The following CDC123 variants were observed in gnomAD, a reference collection of about 807,000 sequenced individuals.
CDC123 encodes the protein translation initiation factor eIF2 assembly protein.
Under a neutral mutation model 54.4 loss-of-function variants are expected in CDC123, and 37 were observed. The ratio of observed to expected loss-of-function variants is 0.68; its 90% CI spans 0.52 to 0.89. The LOEUF (loss-of-function observed/expected upper bound fraction) is 0.89. Ranked by LOEUF, CDC123 falls within the 40% of genes least tolerant of loss-of-function variation. The probability of loss-of-function intolerance (pLI) is 0.00; values close to 1 mark genes in which losing one functional copy is unlikely to be tolerated. For missense variants in CDC123, 361 were observed against 412.1 expected (o/e 0.88, Z 1.07); for synonymous variants, 144 against 136.8 (o/e 1.05, Z -0.37).
intron 2 of CDC123, among the ~76,000 whole-genome samples, chr10:12,201,317 G>A (rs949268726): frequency 6.6e-6 from 1 of 152,180 alleles, no homozygotes; most frequent in African/African-American, 2.4e-5. Flanking sequence ...ACACACAAGA[G>A]AATATATAAT....
chr10:12,212,735 G>C (rs1195227901), intron 4 of CDC123, among the ~76,000 whole-genome samples: 1 of 152,142 alleles, frequency 6.6e-6, no homozygotes, highest in African/African-American at 2.4e-5. Context: ...GCACAACCCA[G>C]CTCATTCAGC....
At chr10:12,200,143 T>TTTA (rs1350723293) in intron 2 of CDC123, among the ~76,000 whole-genome samples, 1 of 136,786 alleles carries the variant, frequency 7.3e-6, no homozygotes, top group Non-Finnish European at 1.6e-5. Flanking sequence ...TTTTTTTTTT[T>TTTA]AAAGATGGAG....
Position 12,230,232 on chromosome 10 carries a change from A to G in CDC123, c.441-716A>G, listed in dbSNP as rs145527878. 7.1e-3 allele frequency among the ~76,000 whole-genome samples: 1,077 copies of G among 150,874 alleles called. 42 individuals are homozygous for G. Among genetic ancestry groups the G allele is most frequent in the Admixed American group, 0.06 (908 of 15,120 alleles). The stretch of plus-strand genomic sequence containing the variant: ...TTTTGAGATGGAGTCTCGCTCTGTC[A>G]CCCAGGCTGGAGTTCAGTGGCACTG... On this transcript the variant is annotated intron_variant, in intron 6 of 12. Coordinates refer to ENST00000281141, the MANE Select transcript of CDC123 (RefSeq NM_006023.3).
At chr10:12,229,153 T>A (rs1272304207) in intron 6 of CDC123, among the ~76,000 whole-genome samples, 1 of 152,258 alleles carries the variant, frequency 6.6e-6, no homozygotes, top group African/African-American at 2.4e-5. Context: ...CAGGCTTCTC[T>A]GCCTCCCAGG....
At chr10:12,224,802 G>GT (rs1351867284) in intron 6 of CDC123, among the ~76,000 whole-genome samples, 3 of 152,034 alleles carry the variant, frequency 2.0e-5, no homozygotes, top group Non-Finnish European at 4.4e-5. Flanking sequence ...TTTTGTTTTT[G>GT]TTTTTTCTTG....
chr10:12,209,838 A>G (rs1200603829), intron 2 of CDC123, 129 bp from the exon 3 acceptor site: 2 of 806,482 alleles, frequency 2.5e-6, no homozygotes, highest in Non-Finnish European at 4.2e-6. Flanking sequence ...TGCTAGGATT[A>G]CAGGTGTGAG....
At chr10:12,214,198 A>G (rs372250211) in intron 4 of CDC123, among the ~76,000 whole-genome samples, 2 of 152,248 alleles carry the variant, frequency 1.3e-5, no homozygotes, top group African/African-American at 2.4e-5. Flanking sequence ...TTTATGGGAT[A>G]GGAAAATTAA....
intron 6 of CDC123, among the ~76,000 whole-genome samples, chr10:12,228,295 C>G (rs886976586): frequency 1.3e-5 from 2 of 151,918 alleles, no homozygotes; most frequent in Non-Finnish European, 2.9e-5. Context: ...AATTTTTAAT[C>G]GAAAGCTAGT....
At chr10:12,221,507 C>G (rs1181859524) in intron 6 of CDC123, among the ~76,000 whole-genome samples, 1 of 152,148 alleles carries the variant, frequency 6.6e-6, no homozygotes. Context: ...GACTTCCTCT[C>G]AGCCCTCATT....
intron 2 of CDC123, among the ~76,000 whole-genome samples, chr10:12,205,711 T>G (rs182022525): frequency 5.8e-4 from 88 of 152,326 alleles, no homozygotes; most frequent in Non-Finnish European, 1.0e-3. Context: ...ATAGAAAATA[T>G]AGCATCCTAA....
Position 12,250,344 on chromosome 10 carries a change from T to G in CDC123, c.*7T>G, listed in dbSNP as rs908110314. 1 of 1,602,906 alleles carries G rather than the reference T, an allele frequency of 6.2e-7. No individual in the cohort carries two copies. Among genetic ancestry groups the G allele is most frequent in the Admixed American group, 1.7e-5 (1 of 59,648 alleles). On this transcript the variant is annotated 3_prime_UTR_variant, in exon 13 of 13. Coordinates refer to ENST00000281141, the MANE Select transcript of CDC123 (RefSeq NM_006023.3). ...TCAGCAGGAGGACGACTGATGAGCG[T>G]ACTGGAACTGGAGAAGAGGAGGCCC...
chr10:12,207,973 G>T (rs1264500759), intron 2 of CDC123, among the ~76,000 whole-genome samples: 1 of 152,122 alleles, frequency 6.6e-6, no homozygotes, highest in Admixed American at 6.6e-5. Flanking sequence ...CATGTTCCAG[G>T]ATAACTCTTA....
At chr10:12,196,375 A>G in intron 1 of CDC123, 56 bp downstream of exon 1, 2 of 1,611,482 alleles carry the variant, frequency 1.2e-6, no homozygotes, top group Non-Finnish European at 1.7e-6. Context: ...GCGACTTCTG[A>G]GCGAATCTTA....
rs200359531 is a variant in CDC123 at position 12,211,491 on chromosome 10, C to T, written c.237+1169C>T. 3.9e-4 allele frequency among the ~76,000 whole-genome samples: 60 copies of T among 152,236 alleles called. No individual in the cohort carries two copies. The East Asian group carries it at 0.011, about 27-fold the overall frequency. On this transcript the variant is annotated intron_variant, in intron 4 of 12. Transcript: ENST00000281141. ...AGCAGGTGCCTAAGTGGAAAGTTTG[C>T]GTGTTTCATTTACTCCAGATGCCAT...
intron 2 of CDC123, among the ~76,000 whole-genome samples, chr10:12,209,659 C>G (rs532821104): frequency 1.2e-4 from 18 of 152,294 alleles, no homozygotes; most frequent in Non-Finnish European, 2.5e-4. Flanking sequence ...CTCCCATGTT[C>G]AAGTGATCAG....
chr10:12,227,393 C>T (rs1835838852), intron 6 of CDC123, among the ~76,000 whole-genome samples: 1 of 152,088 alleles, frequency 6.6e-6, no homozygotes, highest in South Asian at 2.1e-4. Flanking sequence ...CTATTGTTCT[C>T]TTACATTCAT....
At chr10:12,227,592 G>A (rs1835843347) in intron 6 of CDC123, among the ~76,000 whole-genome samples, 1 of 151,796 alleles carries the variant, frequency 6.6e-6, no homozygotes, top group African/African-American at 2.4e-5. Flanking sequence ...TCAACTCCTG[G>A]GTTCAAGGGA....
intron 8 of CDC123, 31 bp downstream of exon 8, chr10:12,235,154 C>T (rs763318016): frequency 7.1e-6 from 11 of 1,545,052 alleles, no homozygotes; most frequent in Non-Finnish European, 9.8e-6. Context: ...TTGTTTTATC[C>T]TTCAAAGTCA....
At chr10:12,220,401 C>CA (rs1301826591) in intron 6 of CDC123, among the ~76,000 whole-genome samples, 3 of 152,230 alleles carry the variant, frequency 2.0e-5, no homozygotes, top group Non-Finnish European at 4.4e-5. Context: ...GAAGTTAAAT[C>CA]AGCAAGTGAG....
Sources: allele counts gnomAD v4.1 joint callset (sites outside exome capture counted in the v4.1 genomes callset), GRCh38; gene constraint gnomAD v4.1.1; transcripts MANE v1.5; gene names NCBI Gene and HGNC (gene_info 2026-07-23, HGNC 2026-07-21).